Variants in LSM14A observed in about 807,000 individuals in gnomAD.
LSM14A encodes protein LSM14 homolog A.
A neutral mutation model predicts 52.4 loss-of-function variants in LSM14A; 14 were observed. The ratio of observed to expected loss-of-function variants is 0.27; its 90% CI spans 0.18 to 0.42. The LOEUF (loss-of-function observed/expected upper bound fraction) is 0.42, where lower values mean the gene tolerates loss of function less well. Among genes scored for constraint, LSM14A ranks in the 10% least tolerant of loss-of-function variants. The probability of loss-of-function intolerance (pLI) is 1.00; values close to 1 mark genes in which losing one functional copy is unlikely to be tolerated. For missense variants in LSM14A, 417 were observed against 581.8 expected (o/e 0.72, Z 2.91); for synonymous variants, 185 against 200.3 (o/e 0.92, Z 0.64).
chr19:34,221,361 C>G, intron 8 of LSM14A, 146 bp from the exon 9 acceptor site: 1 of 918,234 alleles, frequency 1.1e-6, no homozygotes, highest in Non-Finnish European at 1.6e-6. Context: ...GGATTACAGG[C>G]GTGAGCCATC....
intron 1 of LSM14A, among the ~76,000 whole-genome samples, chr19:34,178,160 C>CAA (rs1210486981): frequency 3.8e-4 from 41 of 106,892 alleles, no homozygotes; most frequent in Middle Eastern, 4.6e-3. Flanking sequence ...GACTCTGTCT[C>CAA]AAAAAAAAAA....
chr19:34,189,441 G>T (rs537336056), intron 1 of LSM14A, among the ~76,000 whole-genome samples: 1 of 152,288 alleles, frequency 6.6e-6, no homozygotes, highest in African/African-American at 2.4e-5. Flanking sequence ...ACCTGGGACA[G>T]GTGGTGCCCA....
chr19:34,173,733 G>A (rs2068880142), intron 1 of LSM14A, among the ~76,000 whole-genome samples: 1 of 152,182 alleles, frequency 6.6e-6, no homozygotes. Flanking sequence ...AGGGAAGCTA[G>A]ATAACCTAGG....
intron 3 of LSM14A, among the ~76,000 whole-genome samples, chr19:34,198,876 A>G (rs970461708): frequency 3.3e-5 from 5 of 151,662 alleles, no homozygotes; most frequent in African/African-American, 9.7e-5. Flanking sequence ...AGTTCCAGCT[A>G]CTCGGGAGGC....
intron 1 of LSM14A, among the ~76,000 whole-genome samples, chr19:34,173,417 G>T (rs772323077): frequency 1.1e-4 from 16 of 152,092 alleles, no homozygotes; most frequent in South Asian, 4.1e-4. Context: ...CTGCTGCCCC[G>T]ACGCCCCTGT....
chr19:34,180,516 A>T (rs1163966060), intron 1 of LSM14A, among the ~76,000 whole-genome samples: 1 of 152,210 alleles, frequency 6.6e-6, no homozygotes, highest in African/African-American at 2.4e-5. Context: ...GTTGGTGCTT[A>T]ATAGAGAATA....
Position 34,219,797 on chromosome 19 carries a change from TGAA to T in LSM14A, c.1062_1064del (p.Glu354del). On this transcript the variant is annotated inframe_deletion, in exon 8 of 10. Transcript: ENST00000544216. ...CCCAAAACAGTGAAGGAAATGCCGATGAAGAAGATCCACTTGGACCTAATTGCT... is the reference window on the plus strand; with the variant it reads ...CCCAAAACAGTGAAGGAAATGCCGATGAAGATCCACTTGGACCTAATTGCT... The T allele has an allele frequency of 1.2e-6, 2 of 1,613,696 alleles. No individual in the cohort carries two copies. The highest frequency in any genetic ancestry group is 2.2e-5 in the South Asian group (2 of 91,070).
At position 34,192,316 on chromosome 19, in the gene LSM14A, G is replaced by GTTTTTTTTTTTTTT. The variant is rs1306000214; in HGVS notation, c.122-2160_122-2159insTTTTTTTTTTTTTT. Among the ~76,000 whole-genome samples, 37 of 65,778 alleles carry GTTTTTTTTTTTTTT rather than the reference G, an allele frequency of 5.6e-4. 1 individual carries two copies. Among genetic ancestry groups the GTTTTTTTTTTTTTT allele is most frequent in the Non-Finnish European group, 7.5e-4 (26 of 34,550 alleles). The allele number at this position is 65,778 out of a possible 152,430, so 43.2% of individuals were successfully genotyped here. A position where few individuals can be genotyped will look rare whatever the true frequency, so the allele number is the denominator to read the frequency against. On this transcript the variant is annotated intron_variant, in intron 1 of 9. Transcript: ENST00000544216. Reference sequence around the variant, plus strand: ...TTTACACTGAAATAACATTCTTTTTGTTGTTTTTTTTTTTTTTTTTTTTTT... The same window carrying GTTTTTTTTTTTTTT: ...TTTACACTGAAATAACATTCTTTTTGTTTTTTTTTTTTTTTTGTTTTTTTTTTTTTTTTTTTTTT...
chr19:34,188,533 G>T (rs946495615), intron 1 of LSM14A, among the ~76,000 whole-genome samples: 8 of 152,106 alleles, frequency 5.3e-5, no homozygotes, highest in Admixed American at 5.2e-4. Context: ...TCACAGTGTT[G>T]TGCAACTACC....
chr19:34,212,026 T>C (rs553413532), intron 4 of LSM14A, among the ~76,000 whole-genome samples: 5 of 151,988 alleles, frequency 3.3e-5, no homozygotes, highest in African/African-American at 1.2e-4. Context: ...TAGAAAGCAA[T>C]AGGCAGGCAG....
At chr19:34,181,664 G>C (rs536288583) in intron 1 of LSM14A, among the ~76,000 whole-genome samples, 97 of 152,200 alleles carry the variant, frequency 6.4e-4, no homozygotes, top group African/African-American at 2.0e-3. Flanking sequence ...CAAATGTTGG[G>C]AGAGCTCCAG....
chr19:34,226,439 G>A (rs1309900819), intron 9 of LSM14A: 2 of 1,506,100 alleles, frequency 1.3e-6, no homozygotes, highest in Non-Finnish European at 1.8e-6. Flanking sequence ...TAAAAGGTCT[G>A]GATTGATCGT....
chr19:34,209,105 T>TGGGG (rs2145777497), intron 4 of LSM14A, 54 bp downstream of exon 4: 25 of 1,463,426 alleles, frequency 1.7e-5, no homozygotes, highest in East Asian at 2.3e-5. Context: ...TAGTGGTTTT[T>TGGGG]GTCTTTCTGA....
At chr19:34,203,974 T>C (rs2071500790) in intron 3 of LSM14A, among the ~76,000 whole-genome samples, 1 of 143,946 alleles carries the variant, frequency 6.9e-6, no homozygotes. Context: ...AGTGAAAGAA[T>C]AGAAAAAGGT....
In LSM14A at chr19:34,172,512, C is replaced by T. The variant is rs899739532; in HGVS notation, c.-131C>T. 3.7e-6 allele frequency: 4 copies of T among 1,070,136 alleles called. No individual in the cohort carries two copies. The highest frequency in any genetic ancestry group is 3.3e-5 in the African/African-American group (2 of 59,918). The allele number at this position is 1,070,136 out of a possible 1,614,324, so 66.3% of individuals were successfully genotyped here. A position where few individuals can be genotyped will look rare whatever the true frequency, so the allele number is the denominator to read the frequency against. ...GGAGGCTGGGGGAGGGTAGCGGAGCCGGCGCCGCCGCCATGTTGGGTCTGA... is the reference window on the plus strand; with the variant it reads ...GGAGGCTGGGGGAGGGTAGCGGAGCTGGCGCCGCCGCCATGTTGGGTCTGA... On this transcript the variant is annotated 5_prime_UTR_variant, in exon 1 of 10. Transcript: ENST00000544216.
intron 4 of LSM14A, among the ~76,000 whole-genome samples, chr19:34,212,916 A>G (rs1462018202): frequency 6.6e-6 from 1 of 152,218 alleles, no homozygotes; most frequent in Non-Finnish European, 1.5e-5. Flanking sequence ...AAGAAGTTTT[A>G]TAAACTTATA....
intron 4 of LSM14A, among the ~76,000 whole-genome samples, chr19:34,211,618 C>A (rs905467773): frequency 6.6e-6 from 1 of 152,116 alleles, no homozygotes; most frequent in Admixed American, 6.6e-5. Flanking sequence ...GAAACTTCAT[C>A]TCTACCAAAA....
chr19:34,220,688 A>C (rs78619826), intron 8 of LSM14A, among the ~76,000 whole-genome samples: 3,760 of 152,284 alleles, frequency 0.025, 157 homozygotes, highest in African/African-American at 0.087. Flanking sequence ...GCTTCAATAT[A>C]AACATGGATG....
At position 34,177,775 on chromosome 19, in the gene LSM14A, C is replaced by T. The variant is rs1028240936; in HGVS notation, c.121+5012C>T. On this transcript the variant is annotated intron_variant, in intron 1 of 9. Transcript: ENST00000544216. The stretch of plus-strand genomic sequence containing the variant: ...CAAGCATGGTGGCATGCATGTCTGT[C>T]GTCCCAGCCACTTGGGAGGCTGAGG... 3.3e-5 allele frequency among the ~76,000 whole-genome samples: 5 copies of T among 152,018 alleles called. No individual in the cohort carries two copies. The South Asian group carries it at 8.3e-4, about 25-fold the overall frequency.
Sources: allele counts gnomAD v4.1 joint callset (sites outside exome capture counted in the v4.1 genomes callset), GRCh38; gene constraint gnomAD v4.1.1; transcripts MANE v1.5; gene names NCBI Gene and HGNC (gene_info 2026-07-23, HGNC 2026-07-21).